The following CSMD1 variants were observed in gnomAD, a reference collection of about 807,000 sequenced individuals.
CSMD1 encodes CUB and Sushi multiple domains 1.
In CSMD1, 213 loss-of-function variants were observed where a neutral mutation model predicts 417.5. That is an observed-to-expected ratio of 0.51 (90% CI 0.46 to 0.57). The LOEUF is 0.57. Ranked by LOEUF, CSMD1 falls within the 20% of genes least tolerant of loss-of-function variation. The pLI is 0.00. For missense variants in CSMD1, 6,923 were observed against 4,529.7 expected (o/e 1.53, Z -15.17); for synonymous variants, 2,862 against 1,736.8 (o/e 1.65, Z -16.11).
At chr8:4,134,843 G>C (rs752378567) in intron 3 of CSMD1, among the ~76,000 whole-genome samples, 5 of 152,064 alleles carry the variant, frequency 3.3e-5, no homozygotes, top group South Asian at 4.1e-4. Flanking sequence ...GTTGAAAATC[G>C]TTTGATAGCT....
intron 3 of CSMD1, among the ~76,000 whole-genome samples, chr8:4,265,078 A>T (rs1332734372): frequency 6.6e-6 from 1 of 152,184 alleles, no homozygotes. Context: ...CTCCTTATAT[A>T]GAATCATCAT....
In CSMD1 at chr8:4,301,002, A is replaced by G. The variant is rs370446973; in HGVS notation, c.415+118951T>C. Among the ~76,000 whole-genome samples, 22 of 152,310 alleles carry G rather than the reference A, an allele frequency of 1.4e-4. 1 individual carries two copies. The South Asian group carries it at 4.2e-3, about 29-fold the overall frequency. On this transcript the variant is annotated intron_variant, in intron 3 of 69. Transcript: ENST00000635120. ...TAGTGCACTATAAACATAAGTGTGC[A>G]TGTGTCTTTATAGCAGCATGATAAG... is the stretch of plus-strand genomic sequence containing the variant.
intron 3 of CSMD1, among the ~76,000 whole-genome samples, chr8:4,111,004 G>A (rs868719105): frequency 6.6e-6 from 1 of 152,062 alleles, no homozygotes; most frequent in Admixed American, 6.6e-5. Flanking sequence ...CTCACTAAGA[G>A]ATGCCTGCAA....
At chr8:3,719,583 T>C (rs1307995151) in intron 6 of CSMD1, among the ~76,000 whole-genome samples, 1 of 152,166 alleles carries the variant, frequency 6.6e-6, no homozygotes, top group African/African-American at 2.4e-5. Flanking sequence ...ATACATCTCT[T>C]GCAAGAGTGC....
chr8:4,723,228 T>C (rs1398024630), intron 1 of CSMD1, among the ~76,000 whole-genome samples: 1 of 152,130 alleles, frequency 6.6e-6, no homozygotes, highest in Non-Finnish European at 1.5e-5. Context: ...CGGCTCCTTT[T>C]AAAGACATTT....
chr8:4,419,209 G>C (rs1416579900), intron 3 of CSMD1, among the ~76,000 whole-genome samples: 1 of 152,120 alleles, frequency 6.6e-6, no homozygotes, highest in East Asian at 1.9e-4. Context: ...AGACTCCAGA[G>C]TTTCTGTTAC....
chr8:4,200,744 C>T (rs1799598950), intron 3 of CSMD1, among the ~76,000 whole-genome samples: 2 of 152,078 alleles, frequency 1.3e-5, no homozygotes, highest in African/African-American at 4.8e-5. Flanking sequence ...TATCTGTAGT[C>T]CCAACTACTC....
At chr8:4,244,633 T>G (rs777355036) in intron 3 of CSMD1, among the ~76,000 whole-genome samples, 3 of 152,158 alleles carry the variant, frequency 2.0e-5, no homozygotes, top group African/African-American at 7.2e-5. Flanking sequence ...ATGACAAATT[T>G]CTTCAAAACT....
chr8:4,483,380 G>A (rs1182652495), intron 2 of CSMD1, among the ~76,000 whole-genome samples: 2 of 152,166 alleles, frequency 1.3e-5, no homozygotes, highest in Non-Finnish European at 2.9e-5. Context: ...TTTGCTTAAT[G>A]CTGCTACATT....
intron 5 of CSMD1, among the ~76,000 whole-genome samples, chr8:3,994,480 G>T (rs1439742724): frequency 6.9e-6 from 1 of 145,638 alleles, no homozygotes; most frequent in Non-Finnish European, 1.5e-5. Flanking sequence ...CACTTGGCTA[G>T]TCTCACCACT....
chr8:4,485,200 C>G (rs1022752977), intron 2 of CSMD1, among the ~76,000 whole-genome samples: 1 of 152,040 alleles, frequency 6.6e-6, no homozygotes, highest in Non-Finnish European at 1.5e-5. Flanking sequence ...CTTAATACTT[C>G]TTCACCTCTA....
chr8:3,654,542 G>C (rs940321012), intron 7 of CSMD1, among the ~76,000 whole-genome samples: 3 of 152,142 alleles, frequency 2.0e-5, no homozygotes, highest in African/African-American at 4.8e-5. Context: ...ATAAGAAATT[G>C]TCATGATTAT....
intron 1 of CSMD1, among the ~76,000 whole-genome samples, chr8:4,945,998 T>C (rs1407433559): frequency 1.3e-5 from 2 of 152,164 alleles, no homozygotes; most frequent in Non-Finnish European, 2.9e-5. Context: ...TAGAGACCTG[T>C]AATAAGAACC....
At chr8:4,138,870 T>A (rs979315469) in intron 3 of CSMD1, among the ~76,000 whole-genome samples, 2 of 152,164 alleles carry the variant, frequency 1.3e-5, no homozygotes, top group Non-Finnish European at 2.9e-5. Context: ...AATTATTTAA[T>A]AGGAAGGTTA....
At chr8:3,414,058 G>C (rs772886150) in intron 12 of CSMD1, among the ~76,000 whole-genome samples, 1 of 150,190 alleles carries the variant, frequency 6.7e-6, no homozygotes, top group African/African-American at 2.5e-5. Flanking sequence ...AGAATTACTT[G>C]AAACCAGGAG....
At chr8:4,211,337 C>G (rs1161277232) in intron 3 of CSMD1, among the ~76,000 whole-genome samples, 4 of 151,808 alleles carry the variant, frequency 2.6e-5, no homozygotes, top group Non-Finnish European at 4.4e-5. Context: ...TGTTAAATTT[C>G]TTTACATTTC....
chr8:4,378,164 T>G (rs987528261), intron 3 of CSMD1, among the ~76,000 whole-genome samples: 1 of 152,236 alleles, frequency 6.6e-6, no homozygotes, highest in Non-Finnish European at 1.5e-5. Context: ...TATTCACTTA[T>G]ACTCTAGATA....
chr8:4,306,198 T>C (rs918134896), intron 3 of CSMD1, among the ~76,000 whole-genome samples: 3 of 152,230 alleles, frequency 2.0e-5, no homozygotes, highest in African/African-American at 4.8e-5. Context: ...ATTAAAACGC[T>C]AGTGTGCTCT....
chr8:3,334,359 A>C (rs1293600380), intron 23 of CSMD1, among the ~76,000 whole-genome samples: 1 of 152,200 alleles, frequency 6.6e-6, no homozygotes, highest in Non-Finnish European at 1.5e-5. Context: ...TTCAAGCACC[A>C]AAATGACAAT....
Sources: gnomAD v4.1 joint callset for allele counts (sites outside exome capture counted in the v4.1 genomes callset) on GRCh38, gnomAD v4.1.1 for gene constraint, MANE v1.5 for transcripts, NCBI Gene and HGNC (gene_info 2026-07-23, HGNC 2026-07-21) for gene names.